NKAIN2: variants seen among roughly 807,000 people sequenced by gnomAD.
NKAIN2 encodes sodium/potassium transporting ATPase interacting 2, also known as sodium/potassium-transporting ATPase subunit beta-1-interacting protein 2.
Under a neutral mutation model 32.6 loss-of-function variants are expected in NKAIN2, and 14 were observed. The observed-to-expected ratio is 0.43, with a 90% CI of 0.28 to 0.67. NKAIN2 has a LOEUF of 0.67. NKAIN2 is among the 30% of genes least tolerant of loss of function. NKAIN2 has a pLI of 0.17. For missense variants in NKAIN2, 198 were observed against 258.3 expected (o/e 0.77, Z 1.60); for synonymous variants, 80 against 87.2 (o/e 0.92, Z 0.46).
intron 1 of NKAIN2, among the ~76,000 whole-genome samples, chr6:123,849,674 T>C (rs1775234377): frequency 6.6e-6 from 1 of 152,104 alleles, no homozygotes; most frequent in Non-Finnish European, 1.5e-5. Context: ...GCCAGTGTGC[T>C]TGTAGCTGGA....
At position 124,640,416 on chromosome 6, in the gene NKAIN2, C is replaced by T. The variant is rs111762926; in HGVS notation, c.274-17770C>T. ...AATGGCAGTAATATCTCTGGAAATA[C>T]TTAACCTGTTCATTGAAAACTGAGC... On this transcript the variant is annotated intron_variant, in intron 3 of 6. Coordinates refer to ENST00000368417, the MANE Select transcript of NKAIN2 (RefSeq NM_001040214.3). 6.4e-3 allele frequency among the ~76,000 whole-genome samples: 967 copies of T among 152,262 alleles called. 14 individuals are homozygous for T. The highest frequency in any genetic ancestry group is 0.022 in the African/African-American group (927 of 41,548).
intron 4 of NKAIN2, among the ~76,000 whole-genome samples, chr6:124,743,911 GAC>G (rs1207905756): frequency 1.3e-5 from 2 of 151,678 alleles, no homozygotes; most frequent in African/African-American, 4.8e-5. Flanking sequence ...TAGAATAAAT[GAC>G]AGTTTATTAA....
intron 4 of NKAIN2, among the ~76,000 whole-genome samples, chr6:124,705,483 C>A (rs1583680512): frequency 6.6e-6 from 1 of 151,910 alleles, no homozygotes; most frequent in South Asian, 2.1e-4. Flanking sequence ...AAGAATTGAA[C>A]CCTAAGTGGA....
chr6:124,303,863 A>G (rs558882708), intron 2 of NKAIN2, among the ~76,000 whole-genome samples: 67 of 152,286 alleles, frequency 4.4e-4, no homozygotes, highest in African/African-American at 1.6e-3. Flanking sequence ...AAGAGAGTGG[A>G]TTCAAGGGAT....
chr6:124,497,463 G>A (rs1011459630), intron 3 of NKAIN2, among the ~76,000 whole-genome samples: 1 of 152,076 alleles, frequency 6.6e-6, no homozygotes, highest in Non-Finnish European at 1.5e-5. Flanking sequence ...TAATGAAAAT[G>A]CCACTTTTAA....
At chr6:124,369,413 A>G (rs1799657520) in intron 3 of NKAIN2, among the ~76,000 whole-genome samples, 1 of 152,124 alleles carries the variant, frequency 6.6e-6, no homozygotes, top group Admixed American at 6.6e-5. Context: ...ATTATTTCCT[A>G]TTAAGTGGCC....
intron 3 of NKAIN2, among the ~76,000 whole-genome samples, chr6:124,406,513 T>C (rs1308075318): frequency 6.6e-6 from 1 of 152,188 alleles, no homozygotes; most frequent in Non-Finnish European, 1.5e-5. Flanking sequence ...TATATGTCCA[T>C]ACAAAGACTT....
intron 4 of NKAIN2, among the ~76,000 whole-genome samples, chr6:124,689,888 C>A (rs1166240084): frequency 6.6e-6 from 1 of 152,062 alleles, no homozygotes; most frequent in African/African-American, 2.4e-5. Flanking sequence ...TATAGTGTGT[C>A]ACTGCTCCAA....
chr6:124,343,730 A>G (rs1053842153), intron 2 of NKAIN2, among the ~76,000 whole-genome samples: 5 of 150,088 alleles, frequency 3.3e-5, no homozygotes, highest in South Asian at 2.2e-4. Context: ...TCTGGATATT[A>G]GCCCTTTGTC....
At chr6:124,311,015 T>C (rs1796689926) in intron 2 of NKAIN2, among the ~76,000 whole-genome samples, 1 of 152,160 alleles carries the variant, frequency 6.6e-6, no homozygotes, top group Admixed American at 6.6e-5. Context: ...TTGAAGACTT[T>C]CAAATTTCCT....
At chr6:124,449,280 C>G (rs1776009241) in intron 3 of NKAIN2, among the ~76,000 whole-genome samples, 1 of 151,576 alleles carries the variant, frequency 6.6e-6, no homozygotes, top group African/African-American at 2.4e-5. Context: ...TTTTTATGTT[C>G]CTGTAATGGC....
intron 5 of NKAIN2, 23 bp downstream of exon 5, chr6:124,791,422 G>A (rs368496264): frequency 6.5e-7 from 1 of 1,541,382 alleles, no homozygotes; most frequent in Non-Finnish European, 8.9e-7. Flanking sequence ...GCTCTATTCT[G>A]TTTCTTTCAA....
At chr6:123,885,908 A>G (rs1028823292) in intron 1 of NKAIN2, among the ~76,000 whole-genome samples, 1 of 151,764 alleles carries the variant, frequency 6.6e-6, no homozygotes, top group East Asian at 1.9e-4. Flanking sequence ...ACACCAGCCA[A>G]TGAGGAATGA....
chr6:124,474,669 AT>A (rs1243694913), intron 3 of NKAIN2, among the ~76,000 whole-genome samples: 1 of 151,722 alleles, frequency 6.6e-6, no homozygotes, highest in Admixed American at 6.6e-5. Flanking sequence ...GCATAGAAAT[AT>A]TTTTTATATA....
In NKAIN2 at chr6:123,883,489, G is replaced by A. The variant is rs903036139; in HGVS notation, c.54+79235G>A. ...TCTTGTTTTTTAAAAAGTGTGTAGC[G>A]CCTCTTCCTTCTCTCTCTCTTTTTC... On this transcript the variant is annotated intron_variant, in intron 1 of 6. Transcript: ENST00000368417. Among the ~76,000 whole-genome samples the A allele has an allele frequency of 3.3e-5, 5 of 151,496 alleles. No individual in the cohort carries two copies. In the East Asian group the frequency reaches 5.9e-4, roughly 18 times the overall value.
chr6:124,731,774 G>A (rs563244006), intron 4 of NKAIN2, among the ~76,000 whole-genome samples: 13 of 151,740 alleles, frequency 8.6e-5, no homozygotes, highest in African/African-American at 2.9e-4. Context: ...CTTTATCATA[G>A]CTATTGCTAC....
chr6:123,906,649 T>G (rs765271175), intron 1 of NKAIN2, among the ~76,000 whole-genome samples: 15 of 152,198 alleles, frequency 9.9e-5, no homozygotes, highest in Non-Finnish European at 2.2e-4. Flanking sequence ...TAAAATATCT[T>G]CATTACCATA....
At chr6:124,437,830 G>C (rs1044582726) in intron 3 of NKAIN2, 1 of 394,850 alleles carries the variant, frequency 2.5e-6, no homozygotes, top group Non-Finnish European at 4.9e-6. Context: ...CAACGCATGG[G>C]ATACGGTAGC....
In NKAIN2 at chr6:124,641,741, G is replaced by C. The variant is rs1247711244; in HGVS notation, c.274-16445G>C. Reference sequence around the variant, plus strand: ...TTATTTATTTTATTTTGTATTTTTAGTAGAGATGGGATTTCACCACTGTGG... The same window carrying C: ...TTATTTATTTTATTTTGTATTTTTACTAGAGATGGGATTTCACCACTGTGG... On this transcript the variant is annotated intron_variant, in intron 3 of 6. Coordinates refer to ENST00000368417, the MANE Select transcript of NKAIN2 (RefSeq NM_001040214.3). Among the ~76,000 whole-genome samples, 6 of 151,432 alleles carry C rather than the reference G, an allele frequency of 4.0e-5. No individual in the cohort carries two copies. The East Asian group carries it at 1.2e-3, about 29-fold the overall frequency.
Sources: gnomAD v4.1 joint callset for allele counts (sites outside exome capture counted in the v4.1 genomes callset) on GRCh38, gnomAD v4.1.1 for gene constraint, MANE v1.5 for transcripts, NCBI Gene and HGNC (gene_info 2026-07-23, HGNC 2026-07-21) for gene names.